The following ABLIM2 variants were observed in gnomAD, a reference collection of about 807,000 sequenced individuals.
ABLIM2 encodes actin binding LIM protein family member 2.
In ABLIM2, 53 loss-of-function variants were observed where a neutral mutation model predicts 97.7. The observed-to-expected ratio is 0.54, with a 90% CI of 0.44 to 0.68. The LOEUF (loss-of-function observed/expected upper bound fraction) is 0.68. Among genes scored for constraint, ABLIM2 ranks in the 30% least tolerant of loss-of-function variants. ABLIM2 has a pLI of 0.00. For missense variants in ABLIM2, 835 were observed against 867.2 expected (o/e 0.96, Z 0.47); for synonymous variants, 361 against 345.8 (o/e 1.04, Z -0.49).
At chr4:8,107,411 A>C (rs530448993) in intron 1 of ABLIM2, among the ~76,000 whole-genome samples, 14 of 152,376 alleles carry the variant, frequency 9.2e-5, no homozygotes, top group African/African-American at 3.4e-4. Context: ...AGTGGGCATT[A>C]GGGATGGCCA....
Position 7,986,866 on chromosome 4 carries a change from T to A in ABLIM2, c.1681-1973A>T, listed in dbSNP as rs1744644300. Among the ~76,000 whole-genome samples the A allele has an allele frequency of 6.6e-6, 1 of 152,190 alleles. No individual in the cohort carries two copies. Among genetic ancestry groups the A allele is most frequent in the Non-Finnish European group, 1.5e-5 (1 of 68,036 alleles). ...TTTTGTATTTTTAGTAGAGATGGGTTTCACATGTTGGCTAAGCTGGTCTCG... is the reference window on the plus strand; with the variant it reads ...TTTTGTATTTTTAGTAGAGATGGGTATCACATGTTGGCTAAGCTGGTCTCG... On this transcript the variant is annotated intron_variant, in intron 17 of 20. Coordinates refer to ENST00000447017, the MANE Select transcript of ABLIM2 (RefSeq NM_001130083.2). The surrounding 1 kb of genome is among the most constrained non-coding windows in gnomAD (Gnocchi z 4.3).
At chr4:7,995,310 C>G (rs1386754283) in intron 16 of ABLIM2, among the ~76,000 whole-genome samples, 2 of 152,182 alleles carry the variant, frequency 1.3e-5, no homozygotes, top group Non-Finnish European at 2.9e-5. Context: ...CGGAGATCGG[C>G]CAGGTACAGG....
chr4:8,058,424 C>G lies in ABLIM2; in HGVS notation c.763+2543G>C, dbSNP rs541200056. Among the ~76,000 whole-genome samples the G allele has an allele frequency of 9.8e-5, 15 of 152,360 alleles. No individual in the cohort carries two copies. In the East Asian group the frequency reaches 2.9e-3, roughly 29 times the overall value. ...ACAATGGCCGCATGAGGTCATTCAA[C>G]AGCCCGCAGGCACCTGCACGGCAGA... is the stretch of plus-strand genomic sequence containing the variant. On this transcript the variant is annotated intron_variant, in intron 7 of 20. Coordinates refer to ENST00000447017, the MANE Select transcript of ABLIM2 (RefSeq NM_001130083.2). The surrounding 1 kb of genome is among the most constrained non-coding windows in gnomAD (Gnocchi z 4.2).
rs1455466504 is a variant in ABLIM2 at position 8,123,498 on chromosome 4, G to A, written c.11-16861C>T. Among the ~76,000 whole-genome samples, 2 of 152,218 alleles carry A rather than the reference G, an allele frequency of 1.3e-5. No homozygotes were observed. The highest frequency in any genetic ancestry group is 1.3e-4 in the Admixed American group (2 of 15,282). Reference sequence around the variant, plus strand: ...ATGTTCTCCTGATCTGCTGATTCAAGGGAGGCTGGTGTGAGGGAAGCATTT... The same window carrying A: ...ATGTTCTCCTGATCTGCTGATTCAAAGGAGGCTGGTGTGAGGGAAGCATTT... On this transcript the variant is annotated intron_variant, in intron 1 of 20. Transcript: ENST00000447017. The surrounding 1 kb of genome is among the most constrained non-coding windows in gnomAD (Gnocchi z 6.2).
In ABLIM2 at chr4:8,019,509, G is replaced by C. The variant is rs1380351798; in HGVS notation, c.1423+109C>G. ...AGTCAGACTGCTAAGGGCCTTGGTG[G>C]TGCCTTCACTGCATTTATCAGAACA... is the stretch of plus-strand genomic sequence containing the variant. On this transcript the variant is annotated intron_variant, in intron 14 of 20. Coordinates refer to ENST00000447017, the MANE Select transcript of ABLIM2 (RefSeq NM_001130083.2). This position sits in a 1 kb window ranked among gnomAD's most constrained non-coding sequence, Gnocchi z 4.3. 1 of 1,070,176 alleles carries C rather than the reference G, an allele frequency of 9.3e-7. No individual in the cohort carries two copies. The highest frequency in any genetic ancestry group is 1.4e-6 in the Non-Finnish European group (1 of 734,346). 66.3% of individuals were successfully genotyped at this position (1,070,176 alleles called of 1,614,324 possible). A position where few individuals can be genotyped will look rare whatever the true frequency, so the allele number is the denominator to read the frequency against.
At chr4:8,063,937 C>T (rs953699628) in intron 6 of ABLIM2, among the ~76,000 whole-genome samples, 11 of 152,184 alleles carry the variant, frequency 7.2e-5, no homozygotes, top group African/African-American at 1.9e-4. Context: ...CCTTCCTAGT[C>T]GCTCCATAAA....
rs1003688957 is a variant in ABLIM2, at chr4:8,082,464, C to T, written c.455-1662G>A. Among the ~76,000 whole-genome samples, 1 of 152,222 alleles carries T rather than the reference C, an allele frequency of 6.6e-6. No individual in the cohort carries two copies. Among genetic ancestry groups the T allele is most frequent in the Admixed American group, 6.5e-5 (1 of 15,282 alleles). Reference sequence around the variant, plus strand: ...CGAGACCCCCTGTGGGCCTGCTGTGCGGTGAGAGCTCAGCAGAGGCTGCTT... The same window carrying T: ...CGAGACCCCCTGTGGGCCTGCTGTGTGGTGAGAGCTCAGCAGAGGCTGCTT... On this transcript the variant is annotated intron_variant, in intron 4 of 20. Coordinates refer to ENST00000447017, the MANE Select transcript of ABLIM2 (RefSeq NM_001130083.2). This position sits in a 1 kb window ranked among gnomAD's most constrained non-coding sequence, Gnocchi z 5.6.
intron 1 of ABLIM2, among the ~76,000 whole-genome samples, chr4:8,138,623 A>AT (rs1436885837): frequency 6.6e-6 from 1 of 152,206 alleles, no homozygotes; most frequent in East Asian, 1.9e-4. Context: ...TGGGAAAAGG[A>AT]TTTAATGAAT....
intron 3 of ABLIM2, among the ~76,000 whole-genome samples, chr4:8,091,606 ATTATGTATAATT>A (rs1352911849): frequency 0.21 from 12,303 of 58,410 alleles, 3,338 homozygotes; most frequent in African/African-American, 0.54. Flanking sequence ...AATTATATAT[ATTATGTATAATT>A]TTATATAAAA....
intron 1 of ABLIM2, among the ~76,000 whole-genome samples, chr4:8,126,626 C>T (rs1848086771): frequency 1.3e-5 from 2 of 152,120 alleles, no homozygotes; most frequent in East Asian, 1.9e-4. Context: ...CAGGGAACTG[C>T]GGCATTCATG....
intron 6 of ABLIM2, chr4:8,066,654 C>T (rs1206969111): frequency 6.6e-6 from 1 of 152,130 alleles, no homozygotes; most frequent in Non-Finnish European, 1.5e-5. Flanking sequence ...AGACGCAAAG[C>T]CACGGGGTAG....
At position 8,149,768 on chromosome 4, in the gene ABLIM2, A is replaced by G. The variant is rs1231829557; in HGVS notation, c.10+8912T>C. ...GGCTGTTGACTGCTGGACACAGAGA[A>G]GGCCCGGACCTAGGCTGAGACTTCC... On this transcript the variant is annotated intron_variant, in intron 1 of 20. Transcript: ENST00000447017. The surrounding 1 kb of genome is among the most constrained non-coding windows in gnomAD (Gnocchi z 6.4). Among the ~76,000 whole-genome samples the G allele has an allele frequency of 1.3e-5, 2 of 152,106 alleles. No individual in the cohort carries two copies. The highest frequency in any genetic ancestry group is 3.4e-3 in the Middle Eastern group (1 of 294).
rs1821204566 is a variant in ABLIM2, at chr4:8,083,415, G to A, written c.455-2613C>T. 6.6e-6 allele frequency among the ~76,000 whole-genome samples: 1 copy of A among 152,164 alleles called. No individual in the cohort carries two copies. Among genetic ancestry groups the A allele is most frequent in the Non-Finnish European group, 1.5e-5 (1 of 68,026 alleles). ...CAGGTGGTCCCCTCACGGGTGGCCT[G>A]CTCCCTCTGTGATGCCTTTATGGGC... On this transcript the variant is annotated intron_variant, in intron 4 of 20. Coordinates refer to ENST00000447017, the MANE Select transcript of ABLIM2 (RefSeq NM_001130083.2). The surrounding 1 kb of genome is among the most constrained non-coding windows in gnomAD (Gnocchi z 4.6).
chr4:8,106,374 T>C, intron 2 of ABLIM2, 120 bp downstream of exon 2: 3 of 1,341,194 alleles, frequency 2.2e-6, no homozygotes, highest in South Asian at 1.4e-5. Flanking sequence ...ATTCTGTATC[T>C]GGAGTGTTCT....
Position 8,127,473 on chromosome 4 carries a change from C to T in ABLIM2, c.11-20836G>A, listed in dbSNP as rs953371251. 2.5e-5 allele frequency: 32 copies of T among 1,285,574 alleles called. No individual in the cohort carries two copies. The African/African-American group carries it at 3.9e-4, about 16-fold the overall frequency. The allele number at this position is 1,285,574 out of a possible 1,614,324, so 79.6% of individuals were successfully genotyped here. On this transcript the variant is annotated intron_variant, in intron 1 of 20. Transcript: ENST00000447017. The surrounding 1 kb of genome is among the most constrained non-coding windows in gnomAD (Gnocchi z 7.3). ...ATTCATGGAGCTCACAGCTCCCAGT[C>T]CCCTGAAGCTGACTCATGGAGCTCA...
Position 7,996,955 on chromosome 4 carries a change from T to C in ABLIM2, c.1619-4028A>G, listed in dbSNP as rs1359362110. 1.3e-5 allele frequency among the ~76,000 whole-genome samples: 2 copies of C among 152,366 alleles called. No homozygotes were observed. The highest frequency in any genetic ancestry group is 3.9e-4 in the East Asian group (2 of 5,192). ...TTCAGAAATTTAATTATGATGTGTCTTGGTGCAGATTTTTGGGGTTTATCC... is the reference window on the plus strand; with the variant it reads ...TTCAGAAATTTAATTATGATGTGTCCTGGTGCAGATTTTTGGGGTTTATCC... On this transcript the variant is annotated intron_variant, in intron 16 of 20. Coordinates refer to ENST00000447017, the MANE Select transcript of ABLIM2 (RefSeq NM_001130083.2). This position sits in a 1 kb window ranked among gnomAD's most constrained non-coding sequence, Gnocchi z 4.5.
chr4:8,020,501 C>T (rs1772857456), intron 12 of ABLIM2, 198 bp from the exon 13 acceptor site: 1 of 665,994 alleles, frequency 1.5e-6, no homozygotes, highest in African/African-American at 1.8e-5. Flanking sequence ...CTAATCCAAC[C>T]CTGAGTTGAA....
At chr4:8,141,138 C>G (rs1850918964) in intron 1 of ABLIM2, among the ~76,000 whole-genome samples, 1 of 152,142 alleles carries the variant, frequency 6.6e-6, no homozygotes, top group Non-Finnish European at 1.5e-5. Flanking sequence ...CAGCCCTGAG[C>G]TCAAATCATA....
intron 20 of ABLIM2, among the ~76,000 whole-genome samples, chr4:7,981,247 C>T (rs1029120173): frequency 2.0e-5 from 3 of 152,024 alleles, no homozygotes; most frequent in Non-Finnish European, 2.9e-5. Flanking sequence ...CCAGTGCAAA[C>T]AACCCCTTGT....
Sources: gnomAD v4.1 joint callset for allele counts (sites outside exome capture counted in the v4.1 genomes callset) on GRCh38, gnomAD v4.1.1 for gene constraint, Gnocchi (gnomAD v3.1) non-coding constraint, MANE v1.5 for transcripts, NCBI Gene and HGNC (gene_info 2026-07-23, HGNC 2026-07-21) for gene names.